The following ZNF473 variants were observed in gnomAD, a reference collection of about 807,000 sequenced individuals.
ZNF473 encodes zinc finger protein 473.
A neutral mutation model predicts 11.1 loss-of-function variants in ZNF473; 4 were observed. The observed-to-expected ratio is 0.36, with a 90% CI of 0.18 to 0.82. ZNF473 has a LOEUF of 0.82. Among genes scored for constraint, ZNF473 ranks in the 40% least tolerant of loss-of-function variants. The pLI is 0.49. For missense variants in ZNF473, 854 were observed against 1,084.0 expected (o/e 0.79, Z 2.98); for synonymous variants, 404 against 390.4 (o/e 1.03, Z -0.41).
Position 50,047,338 on chromosome 19 carries a change from C to G in ZNF473, c.*279C>G. 1 of 368,942 alleles carries G rather than the reference C, an allele frequency of 2.7e-6. No individual in the cohort carries two copies. The highest frequency in any genetic ancestry group is 5.0e-6 in the Non-Finnish European group (1 of 198,612). The allele number at this position is 368,942 out of a possible 1,614,324, so 22.9% of individuals were successfully genotyped here. On this transcript the variant is annotated 3_prime_UTR_variant, in exon 5 of 5. Transcript: ENST00000270617. ...CCTTGGGAAGGTCAGAAAAATCTCT[C>G]AGGGCCTCGGTGTCCTTATCTGTAA... is the stretch of plus-strand genomic sequence containing the variant.
At chr19:50,029,788 A>C (rs990722983) in intron 1 of ZNF473, among the ~76,000 whole-genome samples, 8 of 152,206 alleles carry the variant, frequency 5.3e-5, no homozygotes, top group Non-Finnish European at 1.2e-4. Context: ...CTTACATTGC[A>C]GGGTAAGTAT....
chr19:50,035,398 G>A (rs570689113), intron 2 of ZNF473, among the ~76,000 whole-genome samples: 1 of 151,180 alleles, frequency 6.6e-6, no homozygotes, highest in African/African-American at 2.4e-5. Flanking sequence ...TTCACTATAA[G>A]GAATTGGTTT....
In ZNF473 at chr19:50,044,674, G is replaced by T; in HGVS notation, c.231G>T (p.Val77=). Residue 77 remains valine, a synonymous_variant, in exon 5 of 5, where the codon GTG becomes GTT. Coordinates refer to ENST00000270617, the MANE Select transcript of ZNF473 (RefSeq NM_015428.4). ...GGSPEATSPD[V]TETKNSPLME... The stretch of plus-strand genomic sequence containing the variant: ...CATTTGCACTTGCTCTTTCAGATGT[G>T]ACTGAGACCAAGAACTCTCCTCTGA... The T allele has an allele frequency of 6.2e-7, 1 of 1,606,254 alleles. No individual in the cohort carries two copies. Among genetic ancestry groups the T allele is most frequent in the South Asian group, 1.1e-5 (1 of 90,320 alleles).
chr19:50,039,123 C>G lies in ZNF473; in HGVS notation c.10-38C>G. On this transcript the variant is annotated intron_variant, in intron 2 of 4. Transcript: ENST00000270617. This position sits in a 1 kb window ranked among gnomAD's most constrained non-coding sequence, Gnocchi z 4.8. ...GTGAGCTGTTGGGCTCCTCCCTGAC[C>G]CCAGCCTCTGAGTGACCAATAGTGT... 2 of 1,611,476 alleles carry G rather than the reference C, an allele frequency of 1.2e-6. No homozygotes were observed. The highest frequency in any genetic ancestry group is 1.7e-6 in the Non-Finnish European group (2 of 1,178,146).
At chr19:50,029,199 A>G (rs973005835) in intron 1 of ZNF473, among the ~76,000 whole-genome samples, 1 of 152,140 alleles carries the variant, frequency 6.6e-6, no homozygotes, top group Non-Finnish European at 1.5e-5. Context: ...GCTGGAGTGC[A>G]TGGCGCCATC....
Position 50,045,606 on chromosome 19 carries a change from C to T in ZNF473, c.1163C>T (p.Ser388Leu), listed in dbSNP as rs373848038. 18 of 1,613,982 alleles carry T rather than the reference C, an allele frequency of 1.1e-5. No homozygotes were observed. The highest frequency in any genetic ancestry group is 1.6e-4 in the Middle Eastern group (1 of 6,084). Residue 388 changes from serine (S) to leucine (L), a missense_variant, in exon 5 of 5, where the codon TCG becomes TTG. Around this residue, in one of 2 missense-constraint regions of ZNF473, gnomAD observed 668 missense variants for 790.2 expected, o/e 0.85. Transcript: ENST00000270617. ...TGTGGGAAGATTTTTAGGCACAGTT[C>T]GCTGCTCATTGAACACCAGGCTCTT... Reference protein sequence around the residue: ...QECGKIFRHSSLLIEHQALHA... With the variant: ...QECGKIFRHSLLLIEHQALHA...
intron 4 of ZNF473, chr19:50,043,446 A>T (rs866279792): frequency 2.8e-4 from 30 of 107,324 alleles, no homozygotes; most frequent in Admixed American, 4.9e-4. Context: ...AAAAAAAAAA[A>T]AAATATATAT....
At chr19:50,041,852 T>C (rs1978794936) in intron 4 of ZNF473, 33 bp downstream of exon 4, 2 of 1,561,652 alleles carry the variant, frequency 1.3e-6, no homozygotes, top group Non-Finnish European at 1.7e-6. Context: ...CTTGTGTACC[T>C]TCTGTCTTCC....
intron 3 of ZNF473, chr19:50,041,518 GA>G: frequency 2.5e-6 from 1 of 392,858 alleles, no homozygotes. Flanking sequence ...GATCACCCTG[GA>G]TTGTGATTGT....
At position 50,045,261 on chromosome 19, in the gene ZNF473, C is replaced by T; in HGVS notation, c.818C>T (p.Thr273Ile). 3 of 1,614,114 alleles carry T rather than the reference C, an allele frequency of 1.9e-6. No homozygotes were observed. The highest frequency in any genetic ancestry group is 2.5e-6 in the Non-Finnish European group (3 of 1,180,014). ...KFYVCNEYGT[T>I]FSQSTYLWHQ... ...TATGTGTGTAATGAATATGGGACAA[C>T]TTTTAGTCAGAGTACATACCTGTGG... is the stretch of plus-strand genomic sequence containing the variant. Residue 273 changes from threonine to isoleucine, a missense_variant, in exon 5 of 5, where the codon ACT becomes ATT. Physicochemically the swap from Thr to Ile is moderately conservative, Grantham distance 89. Transcript: ENST00000270617.
chr19:50,034,157 G>A (rs1466972008), intron 2 of ZNF473, among the ~76,000 whole-genome samples: 4 of 152,280 alleles, frequency 2.6e-5, no homozygotes, highest in East Asian at 3.9e-4. Context: ...GGCTAAAAAC[G>A]TAGAGCCATC....
chr19:50,029,777 T>A (rs1376659388), intron 1 of ZNF473, among the ~76,000 whole-genome samples: 1 of 152,238 alleles, frequency 6.6e-6, no homozygotes, highest in Non-Finnish European at 1.5e-5. Flanking sequence ...TCCCAGTGCA[T>A]CTTACATTGC....
intron 2 of ZNF473, among the ~76,000 whole-genome samples, chr19:50,033,959 A>G (rs924720965): frequency 1.3e-5 from 2 of 152,200 alleles, no homozygotes; most frequent in Non-Finnish European, 2.9e-5. Flanking sequence ...TTCGCCATGT[A>G]AGATAATATT....
At chr19:50,029,245 C>G (rs283521) in intron 1 of ZNF473, among the ~76,000 whole-genome samples, 1 of 152,184 alleles carries the variant, frequency 6.6e-6, no homozygotes, top group African/African-American at 2.4e-5. Flanking sequence ...CGGGTTCACA[C>G]CATTCTCTCG....
Position 50,032,274 on chromosome 19 carries a change from A to C in ZNF473, c.9+1183A>C, listed in dbSNP as rs188947751. On this transcript the variant is annotated intron_variant, in intron 2 of 4. Transcript: ENST00000270617. ...TTGATCTGGCTCCTGCTTGGCTGCT[A>C]CTCTTGACAGGATATAGACAGCAAC... is the stretch of plus-strand genomic sequence containing the variant. 1.8e-3 allele frequency among the ~76,000 whole-genome samples: 271 copies of C among 150,536 alleles called. 1 individual carries two copies. Among genetic ancestry groups the C allele is most frequent in the Non-Finnish European group, 3.3e-3 (221 of 67,724 alleles).
At position 50,039,482 on chromosome 19, in the gene ZNF473, C is replaced by T. The variant is rs949930576; in HGVS notation, c.136+195C>T. On this transcript the variant is annotated intron_variant, in intron 3 of 4. Coordinates refer to ENST00000270617, the MANE Select transcript of ZNF473 (RefSeq NM_015428.4). This position sits in a 1 kb window ranked among gnomAD's most constrained non-coding sequence, Gnocchi z 4.8. ...TTTTGATTGTTACTCCTTGGGCCAG[C>T]GCAGCGTGCCGCTAGCATCTAGCTG... Among the ~76,000 whole-genome samples the T allele has an allele frequency of 8.0e-5, 11 of 137,634 alleles. No homozygotes were observed. The highest frequency in any genetic ancestry group is 1.9e-4 in the East Asian group (1 of 5,202). The allele number at this position is 137,634 out of a possible 152,430, so 90.3% of individuals were successfully genotyped here. A position where few individuals can be genotyped will look rare whatever the true frequency, so the allele number is the denominator to read the frequency against.
At chr19:50,044,002 C>G (rs1042854323) in intron 4 of ZNF473, among the ~76,000 whole-genome samples, 1 of 152,128 alleles carries the variant, frequency 6.6e-6, no homozygotes, top group African/African-American at 2.4e-5. Flanking sequence ...CTAATACACT[C>G]ATTTCTTTTC....
Position 50,044,657 on chromosome 19 carries a change from C to G in ZNF473, c.227-13C>G, listed in dbSNP as rs747991867. 1.8e-5 allele frequency: 28 copies of G among 1,591,064 alleles called. No individual in the cohort carries two copies. The highest frequency in any genetic ancestry group is 2.3e-5 in the Non-Finnish European group (27 of 1,168,242). On this transcript the variant is annotated splice_polypyrimidine_tract_variant and intron_variant, in intron 4 of 4. Transcript: ENST00000270617. Reference sequence around the variant, plus strand: ...CCTTAGTGAACAGGAGACATTTGCACTTGCTCTTTCAGATGTGACTGAGAC... The same window carrying G: ...CCTTAGTGAACAGGAGACATTTGCAGTTGCTCTTTCAGATGTGACTGAGAC...
At chr19:50,043,871 T>TA (rs559661793) in intron 4 of ZNF473, among the ~76,000 whole-genome samples, 250 of 152,008 alleles carry the variant, frequency 1.6e-3, no homozygotes, top group African/African-American at 5.5e-3. Context: ...TTAAAAGACT[T>TA]AGAGGAGTTA....
Sources: allele counts gnomAD v4.1 joint callset (sites outside exome capture counted in the v4.1 genomes callset), GRCh38; gene constraint gnomAD v4.1.1; regional missense constraint gnomAD v4.1.1; non-coding constraint Gnocchi (gnomAD v3.1); transcripts MANE v1.5; gene names NCBI Gene and HGNC (gene_info 2026-07-23, HGNC 2026-07-21).